Variants in MYO15A observed in about 807,000 individuals in gnomAD.
MYO15A encodes the protein myosin XVA.
A neutral mutation model predicts 394.6 loss-of-function variants in MYO15A; 308 were observed. The ratio of observed to expected loss-of-function variants is 0.78; its 90% confidence interval spans 0.71 to 0.86. The LOEUF (loss-of-function observed/expected upper bound fraction) is 0.86, where lower values mean the gene tolerates loss of function less well. Among genes scored for constraint, MYO15A ranks in the 40% least tolerant of loss-of-function variants. The probability of loss-of-function intolerance (pLI) is 0.00; values close to 1 mark genes in which losing one functional copy is unlikely to be tolerated. For missense variants in MYO15A, 4,606 were observed against 4,799.1 expected (o/e 0.96, Z 1.19); for synonymous variants, 1,957 against 2,003.8 (o/e 0.98, Z 0.62).
chr17:18,158,474 A>AG lies in MYO15A; in HGVS notation c.8968-47dup, dbSNP rs777381198. ...CGTTGTCAGTTTTGACCGAAGGGCT[A>AG]GGCGTGGTGTGGCCGGACTGGGCCT... is the stretch of plus-strand genomic sequence containing the variant. On this transcript the variant is annotated intron_variant, in intron 51 of 65. Transcript: ENST00000647165. The AG allele has an allele frequency of 2.0e-6, 3 of 1,535,142 alleles. No individual in the cohort carries two copies. The South Asian group carries it at 3.4e-5, about 17-fold the overall frequency.
rs571655365 is a variant in MYO15A, at chr17:18,125,461, G to A, written c.3756+230G>A. Reference sequence around the variant, plus strand: ...TGTAATCCCAGCACTTTGGGAGACCGAGGCAGGTGGATCACGAGGTCAAGA... The same window carrying A: ...TGTAATCCCAGCACTTTGGGAGACCAAGGCAGGTGGATCACGAGGTCAAGA... On this transcript the variant is annotated intron_variant, in intron 4 of 65. Coordinates refer to ENST00000647165, the MANE Select transcript of MYO15A (RefSeq NM_016239.4). The A allele has an allele frequency of 3.3e-4, 177 of 542,880 alleles. 1 individual carries two copies. The highest frequency in any genetic ancestry group is 3.0e-3 in the African/African-American group (159 of 52,230). The allele number at this position is 542,880 out of a possible 1,614,324, so 33.6% of individuals were successfully genotyped here.
chr17:18,169,155 AAT>A (rs869081487), intron 62 of MYO15A, among the ~76,000 whole-genome samples: 105 of 96,282 alleles, frequency 1.1e-3, no homozygotes, highest in South Asian at 2.8e-3. Context: ...TAATAATAAT[AAT>A]AAAAATAGGC....
In MYO15A at chr17:18,151,945, C is replaced by T. The variant is rs895763500; in HGVS notation, c.7887C>T (p.Gly2629=). The change falls in exon 41 of 66, where the codon GGC becomes GGT. Residue 2629 remains glycine (G), a synonymous_variant. Transcript: ENST00000647165. ...GQMTHLAAAP[G]TQVSREAVAL... ...TGACCCACCTGGCAGCTGCACCTGG[C>T]ACCCAGGTGAGGGGGGAAGGTGGGG... is the stretch of plus-strand genomic sequence containing the variant. The T allele has an allele frequency of 1.9e-6, 3 of 1,558,980 alleles. No individual in the cohort carries two copies. The highest frequency in any genetic ancestry group is 2.4e-5 in the South Asian group (2 of 84,554).
rs1366183579 is a variant in MYO15A, at chr17:18,157,804, G to A, written c.8871G>A (p.Leu2957=). 1 of 1,602,732 alleles carries A rather than the reference G, an allele frequency of 6.2e-7. No individual in the cohort carries two copies. Among genetic ancestry groups the A allele is most frequent in the Non-Finnish European group, 8.5e-7 (1 of 1,179,140 alleles). ...LVQPAAAPDF[L]QLPTEPGRGR... ...AGCCCGCTGCTGCCCCCGACTTCCT[G>A]CAGCTGCCAACGGAGCCAGGCCGCG... Residue 2957 remains leucine (L), a synonymous_variant, in exon 51 of 66, where the codon CTG becomes CTA. Coordinates refer to ENST00000647165, the MANE Select transcript of MYO15A (RefSeq NM_016239.4).
In MYO15A at chr17:18,157,917, TG is replaced by T. The variant is rs756020622; in HGVS notation, c.8967+21del. 95 of 67,318 alleles carry T rather than the reference TG, an allele frequency of 1.4e-3. No homozygotes were observed. Among genetic ancestry groups the T allele is most frequent in the Non-Finnish European group, 5.2e-4 (22 of 42,640 alleles). 4.2% of individuals were successfully genotyped at this position (67,318 alleles called of 1,614,324 possible). ...AGGAGAGAGGTGAGACCAGTGTGGGTGGGGTGGGGCGGGGTAGACCAGGGGG... is the reference window on the plus strand; with the variant it reads ...AGGAGAGAGGTGAGACCAGTGTGGGTGGGTGGGGCGGGGTAGACCAGGGGG... On this transcript the variant is annotated intron_variant, in intron 51 of 65. Transcript: ENST00000647165.
Position 18,139,408 on chromosome 17 carries a change from C to A in MYO15A, c.5134-126C>A, listed in dbSNP as rs903803491. ...AGCCATGGCGAATGCTCCCCTCCCC[C>A]AGGAGTAGGGAGAATGGTGGGGGCT... On this transcript the variant is annotated intron_variant, in intron 18 of 65. Transcript: ENST00000647165. 1.6e-5 allele frequency: 19 copies of A among 1,153,210 alleles called. No individual in the cohort carries two copies. The South Asian group carries it at 2.4e-4, about 15-fold the overall frequency. 71.4% of individuals were successfully genotyped at this position (1,153,210 alleles called of 1,614,324 possible).
At chr17:18,156,726 T>C (rs1034463696) in intron 48 of MYO15A, among the ~76,000 whole-genome samples, 1 of 152,232 alleles carries the variant, frequency 6.6e-6, no homozygotes, top group Admixed American at 6.5e-5. Flanking sequence ...GGAAAGTCTG[T>C]GAGGGATTGA....
At chr17:18,142,353 A>G (rs2046397379) in intron 24 of MYO15A, 99 bp downstream of exon 24, 17 of 1,394,352 alleles carry the variant, frequency 1.2e-5, no homozygotes, top group Non-Finnish European at 1.5e-5. Context: ...CCCTGGAGGC[A>G]TGCAAGCTGA....
Position 18,119,797 on chromosome 17 carries a change from G to T in MYO15A, c.997G>T (p.Glu333Ter), listed in dbSNP as rs772104371. 5 of 1,613,092 alleles carry T rather than the reference G, an allele frequency of 3.1e-6. No homozygotes were observed. Among genetic ancestry groups the T allele is most frequent in the Non-Finnish European group, 4.2e-6 (5 of 1,179,980 alleles). Residue 333 changes from glutamate to a stop codon, truncating the protein, a stop_gained, in exon 2 of 66, where the codon GAG becomes TAG. Transcript: ENST00000647165. LOFTEE classifies it high-confidence loss of function. ...SSPYSYHDGY[E>*]GEAHPYGYYL... ...TCCTTACAGCTACCACGATGGGTAC[G>T]AGGGCGAGGCGCACCCTTATGGCTA...
intron 40 of MYO15A, 128 bp downstream of exon 40, chr17:18,151,655 G>C: frequency 8.0e-7 from 1 of 1,247,956 alleles, no homozygotes. Flanking sequence ...TCTTTATACT[G>C]ATGAGTCCAG....
At chr17:18,167,775 C>T in intron 62 of MYO15A, 52 bp downstream of exon 62, 3 of 1,597,770 alleles carry the variant, frequency 1.9e-6, no homozygotes, top group South Asian at 2.2e-5. Flanking sequence ...ACCCTGCCCT[C>T]TCAGCCCACC....
intron 16 of MYO15A, 118 bp downstream of exon 16, chr17:18,137,797 G>A: frequency 2.5e-6 from 3 of 1,194,818 alleles, no homozygotes; most frequent in South Asian, 2.6e-5. Context: ...AGACAGTAGA[G>A]GGAAAGGCAT....
In MYO15A at chr17:18,167,926, C is replaced by T. The variant is rs751966524; in HGVS notation, c.10082+203C>T. On this transcript the variant is annotated intron_variant, in intron 62 of 65. Coordinates refer to ENST00000647165, the MANE Select transcript of MYO15A (RefSeq NM_016239.4). ...AGGAGCTGGGACCCCGCCTCTCTTT[C>T]GCAAGTTGCTTCTGGCTGGTATTAT... Among the ~76,000 whole-genome samples, 5 of 152,336 alleles carry T rather than the reference C, an allele frequency of 3.3e-5. No individual in the cohort carries two copies. In the South Asian group the frequency reaches 8.3e-4, roughly 25 times the overall value.
At position 18,157,845 on chromosome 17, in the gene MYO15A, T is replaced by TGGCC; in HGVS notation, c.8914_8917dup (p.Ala2973GlyfsTer28). On this transcript the variant is annotated frameshift_variant, in exon 51 of 66. Transcript: ENST00000647165. LOFTEE classifies it high-confidence loss of function. ...CCAGGCCGCGGCCGAGCAGCCGCCGTGGCCGCTGCTGTGGCCTCTGCAGCC... is the reference window on the plus strand; with the variant it reads ...CCAGGCCGCGGCCGAGCAGCCGCCGTGGCCGGCCGCTGCTGTGGCCTCTGCAGCC... 1.5e-6 allele frequency: 2 copies of TGGCC among 1,339,750 alleles called. No individual in the cohort carries two copies. Among genetic ancestry groups the TGGCC allele is most frequent in the Non-Finnish European group, 2.0e-6 (2 of 1,020,652 alleles). 83.0% of individuals were successfully genotyped at this position (1,339,750 alleles called of 1,614,324 possible).
At chr17:18,135,582 C>T in intron 12 of MYO15A, 129 bp from the exon 13 acceptor site, 1 of 812,212 alleles carries the variant, frequency 1.2e-6, no homozygotes, top group South Asian at 1.5e-5. Flanking sequence ...CTCAGGTGAT[C>T]CACCCGCCTC....
chr17:18,165,646 GA>G (rs1434733009), intron 60 of MYO15A, among the ~76,000 whole-genome samples: 1 of 152,214 alleles, frequency 6.6e-6, no homozygotes, highest in Non-Finnish European at 1.5e-5. Flanking sequence ...CTTTTGCCAG[GA>G]AAGTGACATA....
rs918807464 is a variant in MYO15A, at chr17:18,162,602, G to C, written c.9535G>C (p.Glu3179Gln). ...TTCTGCAGGGATCGCCAAGGCCTGC[G>C]AGCAGAACCTGCAGAAAACCTTGCG... ...LPFQGIAKAC[E>Q]QNLQKTLRFG... Residue 3179 changes from glutamate to glutamine, a missense_variant, in exon 58 of 66, where the codon GAG becomes CAG. Physicochemically the swap from Glu to Gln is conservative, Grantham distance 29. Transcript: ENST00000647165. The C allele has an allele frequency of 2.5e-6, 4 of 1,614,036 alleles. No individual in the cohort carries two copies. Among genetic ancestry groups the C allele is most frequent in the Admixed American group, 1.7e-5 (1 of 60,024 alleles).
At chr17:18,151,753 G>A in intron 40 of MYO15A, 93 bp from the exon 41 acceptor site, 1 of 1,261,432 alleles carries the variant, frequency 7.9e-7, no homozygotes, top group Non-Finnish European at 1.1e-6. Context: ...ATGATAGGGG[G>A]TGGTGGAGGA....
At chr17:18,140,419 T>TC (rs1005409310) in intron 19 of MYO15A, 98 bp from the exon 20 acceptor site, 48 of 1,527,988 alleles carry the variant, frequency 3.1e-5, no homozygotes, top group African/African-American at 5.4e-5. Context: ...AGTCTTCAGA[T>TC]CCCCCTGGTC....
Sources: allele counts gnomAD v4.1 joint callset (sites outside exome capture counted in the v4.1 genomes callset), GRCh38; gene constraint gnomAD v4.1.1; transcripts MANE v1.5; gene names NCBI Gene and HGNC (gene_info 2026-07-23, HGNC 2026-07-21).